Variants in POPDC1 observed in about 807,000 individuals in gnomAD.
The protein encoded by POPDC1 is popeye domain cAMP effector 1, also known as popeye domain-containing protein 1.
the POPDC1 span, chr6:105,133,333 T>TATC: frequency 2.5e-6 from 4 of 1,573,946 alleles, no homozygotes; most frequent in East Asian, 9.0e-5. Context: ...TTACATAAAG[T>TATC]ATCAGTTAGG....
chr6:105,110,188 G>A, the POPDC1 span, among the ~76,000 whole-genome samples: 1 of 152,308 alleles, frequency 6.6e-6, no homozygotes, highest in Admixed American at 6.5e-5. Flanking sequence ...TGGTTGTGAG[G>A]ATTAAATGAG....
the POPDC1 span, among the ~76,000 whole-genome samples, chr6:105,110,341 G>C: frequency 6.6e-6 from 1 of 152,132 alleles, no homozygotes; most frequent in Non-Finnish European, 1.5e-5. Context: ...AGCCATCTTG[G>C]TAGGTCTGAG....
chr6:105,123,609 C>A, the POPDC1 span, among the ~76,000 whole-genome samples: 1 of 152,098 alleles, frequency 6.6e-6, no homozygotes, highest in African/African-American at 2.4e-5. Context: ...ACCATGTTAA[C>A]CAGGATGGTC....
the POPDC1 span, among the ~76,000 whole-genome samples, chr6:105,110,418 T>C: frequency 1.3e-5 from 2 of 152,218 alleles, no homozygotes; most frequent in Admixed American, 1.3e-4. Context: ...CTCTGTACAA[T>C]TCATGTAAAG....
At chr6:105,129,297 A>G in the POPDC1 span, 1,153,224 of 1,231,416 alleles carry the variant, frequency 0.94, 542,396 homozygotes, top group Non-Finnish European at 0.96. Flanking sequence ...TATGCTAGAT[A>G]CTTACTCTTA....
the POPDC1 span, among the ~76,000 whole-genome samples, chr6:105,106,490 CG>C: frequency 1.3e-5 from 2 of 152,226 alleles, no homozygotes; most frequent in Non-Finnish European, 2.9e-5. Flanking sequence ...GAGTCCTGAG[CG>C]AAACAGTGGA....
chr6:105,133,329 A>G, the POPDC1 span: 48 of 1,566,066 alleles, frequency 3.1e-5, no homozygotes, highest in East Asian at 2.9e-4. Flanking sequence ...AAAGTTACAT[A>G]AAGTATCAGT....
At chr6:105,113,659 G>A in the POPDC1 span, among the ~76,000 whole-genome samples, 389 of 152,190 alleles carry the variant, frequency 2.6e-3, 2 homozygotes, top group African/African-American at 9.1e-3. Context: ...TGCAGCACCC[G>A]ACCTTCATGT....
chr6:105,110,543 G>A, the POPDC1 span, among the ~76,000 whole-genome samples: 50 of 152,120 alleles, frequency 3.3e-4, no homozygotes, highest in Non-Finnish European at 5.7e-4. Context: ...GGCTTTTTGC[G>A]TCTTTCCAGG....
the POPDC1 span, chr6:105,099,374 T>C: frequency 6.6e-6 from 1 of 152,222 alleles, no homozygotes; most frequent in Non-Finnish European, 1.5e-5. Context: ...AATCACCTCA[T>C]GGTAAGAGTT....
At chr6:105,101,650 C>A in the POPDC1 span, among the ~76,000 whole-genome samples, 6 of 152,196 alleles carry the variant, frequency 3.9e-5, no homozygotes, top group African/African-American at 9.7e-5. Context: ...TAATCACCAT[C>A]TGTAATATCA....
chr6:105,108,465 T>C, the POPDC1 span, among the ~76,000 whole-genome samples: 1 of 152,044 alleles, frequency 6.6e-6, no homozygotes, highest in Non-Finnish European at 1.5e-5. Context: ...AGGGTTCAAA[T>C]AGAGGACAAC....
the POPDC1 span, among the ~76,000 whole-genome samples, chr6:105,123,124 A>C: frequency 1.3e-5 from 2 of 152,220 alleles, no homozygotes; most frequent in South Asian, 4.1e-4. Context: ...TCTGTCATCA[A>C]GAAACACTAA....
chr6:105,101,352 T>A, the POPDC1 span: 2 of 936,338 alleles, frequency 2.1e-6, no homozygotes, highest in Non-Finnish European at 3.0e-6. Flanking sequence ...ACAATTTCCA[T>A]AAACCATTCT....
the POPDC1 span, among the ~76,000 whole-genome samples, chr6:105,106,118 C>T: frequency 1.3e-5 from 2 of 152,112 alleles, no homozygotes; most frequent in South Asian, 2.1e-4. Flanking sequence ...TAATCACCTT[C>T]CACCTACCAG....
the POPDC1 span, among the ~76,000 whole-genome samples, chr6:105,132,807 G>A: frequency 6.6e-6 from 1 of 152,134 alleles, no homozygotes; most frequent in African/African-American, 2.4e-5. Context: ...TCTGGTAATT[G>A]TTTTTGTTCC....
At chr6:105,115,173 G>A in the POPDC1 span, among the ~76,000 whole-genome samples, 5 of 152,230 alleles carry the variant, frequency 3.3e-5, no homozygotes, top group African/African-American at 7.2e-5. Context: ...TGCAAGCTCC[G>A]CCTCCCAGGT....
At chr6:105,119,367 C>T in the POPDC1 span, among the ~76,000 whole-genome samples, 2 of 152,064 alleles carry the variant, frequency 1.3e-5, no homozygotes, top group Non-Finnish European at 2.9e-5. Context: ...GCCCCTCATA[C>T]AGAGAAAGGC....
chr6:105,134,052 A>C, the POPDC1 span, among the ~76,000 whole-genome samples: 1 of 152,136 alleles, frequency 6.6e-6, no homozygotes, highest in East Asian at 1.9e-4. Flanking sequence ...TTGAATACTT[A>C]AAAAATATGA....
Sources: allele counts gnomAD v4.1 joint callset (sites outside exome capture counted in the v4.1 genomes callset), GRCh38; gene constraint gnomAD v4.1.1; transcripts MANE v1.5; gene names NCBI Gene and HGNC (gene_info 2026-07-23, HGNC 2026-07-21).